Variants in LRMDA observed in about 807,000 individuals in gnomAD.
LRMDA encodes leucine rich melanocyte differentiation associated, also known as leucine-rich melanocyte differentiation-associated protein.
LRMDA carries 18 observed loss-of-function variants against 29.8 expected under a neutral mutation model. The ratio of observed to expected loss-of-function variants is 0.60; its 90% CI spans 0.42 to 0.90. The LOEUF (loss-of-function observed/expected upper bound fraction) is 0.90, where lower values mean the gene tolerates loss of function less well. Ranked by LOEUF, LRMDA falls within the 40% of genes least tolerant of loss-of-function variation. The pLI is 0.00. For synonymous variants in LRMDA, 125 were observed against 109.4 expected (o/e 1.14, Z -0.89); for missense variants, 273 against 273.9 (o/e 1.00, Z 0.02).
At chr10:75,458,577 C>T (rs1158123918) in intron 2 of LRMDA, among the ~76,000 whole-genome samples, 1 of 152,152 alleles carries the variant, frequency 6.6e-6, no homozygotes, top group Non-Finnish European at 1.5e-5. Flanking sequence ...GAAAGCCAAA[C>T]GTCAGAGTAA....
rs756549946 is a variant in LRMDA, at chr10:76,047,164, A to G, written c.259A>G (p.Ile87Val). ...GACCAAGATTCTTAACCTTTGTCACATCACTGATTTGGAGAACCTGCTGGA... is the reference window on the plus strand; with the variant it reads ...GACCAAGATTCTTAACCTTTGTCACGTCACTGATTTGGAGAACCTGCTGGA... ...LHTLTLNKNR[I>V]TDLENLLDHL... is the part of the protein sequence containing the mutation. The change falls in exon 4 of 7, where the codon ATC becomes GTC. Residue 87 changes from isoleucine (I) to valine (V), a missense_variant and splice_region_variant. Ile to Val is a conservative substitution (Grantham distance 29, BLOSUM62 3). Coordinates refer to ENST00000611255, the MANE Select transcript of LRMDA (RefSeq NM_001305581.2). The G allele has an allele frequency of 3.7e-6, 6 of 1,614,022 alleles. No homozygotes were observed. In the South Asian group the frequency reaches 5.5e-5, roughly 15 times the overall value.
In LRMDA at chr10:75,709,013, G is replaced by C. The variant is rs540584252; in HGVS notation, c.131+270519G>C. Among the ~76,000 whole-genome samples, 3 of 152,248 alleles carry C rather than the reference G, an allele frequency of 2.0e-5. No individual in the cohort carries two copies. In the East Asian group the frequency reaches 5.8e-4, roughly 29 times the overall value. On this transcript the variant is annotated intron_variant, in intron 2 of 6. Transcript: ENST00000611255. ...TTTTTCCTGGCAGAAGGACAGGCTT[G>C]GGAAATGGATTCCATACCTGCTTAT...
intron 5 of LRMDA, among the ~76,000 whole-genome samples, chr10:76,229,864 G>A (rs533720494): frequency 6.6e-6 from 1 of 152,060 alleles, no homozygotes; most frequent in Non-Finnish European, 1.5e-5. Context: ...AGCCATTTTC[G>A]ACTTCACCAT....
intron 2 of LRMDA, among the ~76,000 whole-genome samples, chr10:75,565,022 T>A (rs1840352059): frequency 6.6e-6 from 1 of 152,238 alleles, no homozygotes; most frequent in Admixed American, 6.5e-5. Flanking sequence ...GTCCTCTCTC[T>A]GGCAACCTCT....
At chr10:75,948,583 G>A (rs775433377) in intron 2 of LRMDA, among the ~76,000 whole-genome samples, 2 of 152,118 alleles carry the variant, frequency 1.3e-5, no homozygotes, top group Non-Finnish European at 2.9e-5. Flanking sequence ...ATAGATGAGC[G>A]TATGTTGGCG....
intron 5 of LRMDA, among the ~76,000 whole-genome samples, chr10:76,077,758 GC>G (rs1848982355): frequency 6.6e-6 from 1 of 152,008 alleles, no homozygotes; most frequent in East Asian, 1.9e-4. Context: ...GATTTGCCAA[GC>G]AGCAACGACA....
At chr10:75,791,117 C>G (rs1316817113) in intron 2 of LRMDA, among the ~76,000 whole-genome samples, 1 of 152,082 alleles carries the variant, frequency 6.6e-6, no homozygotes, top group Admixed American at 6.6e-5. Context: ...GGCACTGGCC[C>G]TTAGAGGAGA....
intron 2 of LRMDA, among the ~76,000 whole-genome samples, chr10:75,567,869 T>A (rs1306971080): frequency 1.3e-5 from 2 of 152,178 alleles, no homozygotes; most frequent in African/African-American, 4.8e-5. Context: ...TTTGCTTTGT[T>A]AAAGCAAAGT....
intron 2 of LRMDA, among the ~76,000 whole-genome samples, chr10:76,025,086 G>A (rs1848039825): frequency 1.3e-5 from 2 of 151,982 alleles, no homozygotes; most frequent in Admixed American, 1.3e-4. Context: ...AAGATCCCGA[G>A]GCCACAGGCT....
chr10:76,318,994 C>CCGCCT (rs1840735546), intron 5 of LRMDA: 1 of 152,320 alleles, frequency 6.6e-6, no homozygotes, highest in Non-Finnish European at 1.5e-5. Flanking sequence ...ACTGCAAGCT[C>CCGCCT]CGCCTCCTGG....
chr10:76,191,437 C>G (rs2132221717), intron 5 of LRMDA, among the ~76,000 whole-genome samples: 1 of 152,310 alleles, frequency 6.6e-6, no homozygotes, highest in African/African-American at 2.4e-5. Flanking sequence ...TTTGTCACTT[C>G]ATTCCTTCTA....
chr10:75,451,512 G>T (rs1051239126), intron 2 of LRMDA: 19 of 152,126 alleles, frequency 1.2e-4, no homozygotes, highest in Admixed American at 6.5e-5. Flanking sequence ...GACAAATACA[G>T]TGCAGAGCTA....
At chr10:75,853,861 A>G (rs991133898) in intron 2 of LRMDA, among the ~76,000 whole-genome samples, 1 of 152,012 alleles carries the variant, frequency 6.6e-6, no homozygotes, top group Non-Finnish European at 1.5e-5. Flanking sequence ...TTAGATTCCT[A>G]CCCATAGTAG....
chr10:75,654,669 A>G (rs1387746890), intron 2 of LRMDA, among the ~76,000 whole-genome samples: 1 of 152,246 alleles, frequency 6.6e-6, no homozygotes, highest in Non-Finnish European at 1.5e-5. Flanking sequence ...ACAGTCATAC[A>G]CAGATGTGAA....
intron 2 of LRMDA, among the ~76,000 whole-genome samples, chr10:75,463,041 C>G (rs1414221088): frequency 6.6e-6 from 1 of 152,154 alleles, no homozygotes; most frequent in African/African-American, 2.4e-5. Flanking sequence ...CCTGAGGCTC[C>G]GTTGTTAACT....
intron 5 of LRMDA, among the ~76,000 whole-genome samples, chr10:76,117,825 A>C (rs1849692747): frequency 6.6e-6 from 1 of 152,162 alleles, no homozygotes; most frequent in Non-Finnish European, 1.5e-5. Flanking sequence ...ATTCTGGTGT[A>C]GTGTGGTGGT....
intron 2 of LRMDA, among the ~76,000 whole-genome samples, chr10:75,763,929 A>G (rs546595480): frequency 3.4e-4 from 52 of 152,246 alleles, no homozygotes; most frequent in African/African-American, 1.2e-3. Flanking sequence ...ATGCTTTCCA[A>G]GAAGCCTTCT....
chr10:76,273,780 T>C (rs935429411), intron 5 of LRMDA, among the ~76,000 whole-genome samples: 5 of 152,158 alleles, frequency 3.3e-5, no homozygotes, highest in Admixed American at 1.3e-4. Context: ...CCAGTATCCC[T>C]GGATCAGGTG....
intron 2 of LRMDA, among the ~76,000 whole-genome samples, chr10:75,857,203 G>A (rs908882142): frequency 6.6e-6 from 1 of 152,198 alleles, no homozygotes; most frequent in Non-Finnish European, 1.5e-5. Context: ...CCAGCAGATT[G>A]TTGGGCACAT....
Sources: allele counts gnomAD v4.1 joint callset (sites outside exome capture counted in the v4.1 genomes callset), GRCh38; gene constraint gnomAD v4.1.1; transcripts MANE v1.5; gene names NCBI Gene and HGNC (gene_info 2026-07-23, HGNC 2026-07-21).